The following NEBL variants were observed in gnomAD, a reference collection of about 807,000 sequenced individuals.
The protein encoded by NEBL is LIM and SH3 protein 2.
Under a neutral mutation model 140.2 loss-of-function variants are expected in NEBL, and 122 were observed. The ratio of observed to expected loss-of-function variants is 0.87; its 90% CI spans 0.75 to 1.01. The LOEUF (loss-of-function observed/expected upper bound fraction) is 1.01, where lower values mean the gene tolerates loss of function less well. Ranked by LOEUF, NEBL falls within the 50% of genes least tolerant of loss-of-function variation. The pLI is 0.00. For synonymous variants in NEBL, 436 were observed against 398.9 expected (o/e 1.09, Z -1.11); for missense variants, 1,365 against 1,231.3 (o/e 1.11, Z -1.62).
At chr10:20,866,229 G>C (rs1564400142) in intron 7 of NEBL, among the ~76,000 whole-genome samples, 1 of 152,060 alleles carries the variant, frequency 6.6e-6, no homozygotes, top group Non-Finnish European at 1.5e-5. Context: ...GGGCGTTGGG[G>C]AGTTATTATT....
intron 2 of NEBL, among the ~76,000 whole-genome samples, chr10:21,118,103 G>A (rs500220): frequency 0.49 from 74,310 of 151,740 alleles, 21,686 homozygotes; most frequent in African/African-American, 0.81. Flanking sequence ...AGTCTGGCTG[G>A]TGCAGCACCC....
upstream of NEBL, among the ~76,000 whole-genome samples, chr10:21,178,003 C>T (rs748955177): frequency 1.3e-5 from 2 of 152,082 alleles, no homozygotes; most frequent in Admixed American, 6.5e-5. Flanking sequence ...TCAAATTCAC[C>T]GTGGAGGAAA....
At chr10:21,233,235 A>G (rs1842289238) in intron 3 of NEBL, among the ~76,000 whole-genome samples, 1 of 152,068 alleles carries the variant, frequency 6.6e-6, no homozygotes. Flanking sequence ...TATTGTAGAG[A>G]TGAGGTTTCA....
intron 2 of NEBL, among the ~76,000 whole-genome samples, chr10:21,119,442 TA>T (rs1329123794): frequency 1.7e-5 from 2 of 117,438 alleles, no homozygotes; most frequent in African/African-American, 1.0e-4. Context: ...ATAACATATA[TA>T]GTTATATTAA....
At chr10:20,812,026 A>C (rs1278512789) in intron 24 of NEBL, among the ~76,000 whole-genome samples, 1 of 152,196 alleles carries the variant, frequency 6.6e-6, no homozygotes. Context: ...TCTTAATTGC[A>C]AGACTTTCAG....
Position 21,243,263 on chromosome 10 carries a change from C to T in NEBL, n.348+4658G>A, listed in dbSNP as rs910423796. ...CGCAGGACCAAGCATGACCTAGCCC[C>T]TCTGTAGGCAAATTCCCCTGGGTGA... is the stretch of plus-strand genomic sequence containing the variant. On this transcript the variant is annotated intron_variant and non_coding_transcript_variant, in intron 3 of 8. Coordinates refer to the NEBL transcript ENST00000675702. Among the ~76,000 whole-genome samples, 58 of 151,740 alleles carry T rather than the reference C, an allele frequency of 3.8e-4. No individual in the cohort carries two copies. The Middle Eastern group carries it at 0.014, about 36-fold the overall frequency.
At chr10:20,817,994 G>A (rs547581466) in intron 20 of NEBL, among the ~76,000 whole-genome samples, 1 of 152,118 alleles carries the variant, frequency 6.6e-6, no homozygotes, top group South Asian at 2.1e-4. Flanking sequence ...TAAAAGAAAC[G>A]CCAGAATGAA....
intron 7 of NEBL, among the ~76,000 whole-genome samples, chr10:20,865,030 G>C (rs1051843572): frequency 1.3e-5 from 2 of 152,154 alleles, no homozygotes; most frequent in Non-Finnish European, 2.9e-5. Flanking sequence ...CTGCTTTCAA[G>C]TCCAAGTAAG....
chr10:20,844,343 T>C (rs1184125712), intron 12 of NEBL, among the ~76,000 whole-genome samples: 1 of 151,370 alleles, frequency 6.6e-6, no homozygotes, highest in Non-Finnish European at 1.5e-5. Context: ...GTATGTAATA[T>C]ACATTCCGTT....
intron 7 of NEBL, chr10:20,867,830 T>C (rs534672146): frequency 1.3e-5 from 2 of 152,208 alleles, no homozygotes; most frequent in African/African-American, 4.8e-5. Context: ...TATTAAATTC[T>C]TATACATACT....
chr10:21,246,258 A>G (rs1842515613), intron 3 of NEBL, among the ~76,000 whole-genome samples: 1 of 152,242 alleles, frequency 6.6e-6, no homozygotes, highest in Admixed American at 6.5e-5. Context: ...TGACGCAACT[A>G]AAACTTCACT....
At chr10:20,960,643 GTA>G (rs1836008175) in intron 4 of NEBL, among the ~76,000 whole-genome samples, 1 of 151,744 alleles carries the variant, frequency 6.6e-6, no homozygotes, top group Non-Finnish European at 1.5e-5. Context: ...TTATATGTGT[GTA>G]TATGTGTGTA....
At chr10:20,867,083 T>G (rs896496802) in intron 7 of NEBL, among the ~76,000 whole-genome samples, 1 of 152,138 alleles carries the variant, frequency 6.6e-6, no homozygotes, top group African/African-American at 2.4e-5. Flanking sequence ...TTTGAAGACT[T>G]CTCTTTTTTT....
At chr10:20,959,897 A>G (rs1395073652) in intron 4 of NEBL, among the ~76,000 whole-genome samples, 1 of 152,108 alleles carries the variant, frequency 6.6e-6, no homozygotes, top group Non-Finnish European at 1.5e-5. Flanking sequence ...AACATATTAT[A>G]TATGATAAAT....
chr10:21,263,998 G>T (rs1208340924), intron 1 of NEBL, among the ~76,000 whole-genome samples: 2 of 152,158 alleles, frequency 1.3e-5, no homozygotes, highest in Non-Finnish European at 2.9e-5. Context: ...TAAACCAAAA[G>T]ATATCACCAT....
chr10:21,102,092 G>A (rs1005861697), intron 2 of NEBL, among the ~76,000 whole-genome samples: 1 of 152,132 alleles, frequency 6.6e-6, no homozygotes, highest in Non-Finnish European at 1.5e-5. Context: ...TTACTTCTCT[G>A]CAATGTCAAA....
At chr10:21,245,231 G>A (rs1842500548) in intron 3 of NEBL, among the ~76,000 whole-genome samples, 1 of 152,130 alleles carries the variant, frequency 6.6e-6, no homozygotes, top group South Asian at 2.1e-4. Flanking sequence ...CTGGGAAGAA[G>A]GAGAGAATAC....
intron 2 of NEBL, among the ~76,000 whole-genome samples, chr10:21,117,863 A>G (rs535626537): frequency 2.0e-5 from 3 of 151,432 alleles, no homozygotes; most frequent in African/African-American, 7.3e-5. Context: ...GGCCGCTATT[A>G]TCTCTATGAC....
intron 3 of NEBL, among the ~76,000 whole-genome samples, chr10:20,997,288 C>T (rs1028758847): frequency 2.6e-5 from 4 of 151,888 alleles, no homozygotes; most frequent in African/African-American, 7.2e-5. Context: ...TCTCTGACCA[C>T]AGCCAGTAAC....
Sources: allele counts gnomAD v4.1 joint callset (sites outside exome capture counted in the v4.1 genomes callset), GRCh38; gene constraint gnomAD v4.1.1; transcripts MANE v1.5; gene names NCBI Gene and HGNC (gene_info 2026-07-23, HGNC 2026-07-21).